PIK3CD: variants seen among roughly 807,000 people sequenced by gnomAD.
PIK3CD encodes phosphatidylinositol-4,5-bisphosphate 3-kinase catalytic subunit delta.
Under a neutral mutation model 122.9 loss-of-function variants are expected in PIK3CD, and 20 were observed. The ratio of observed to expected loss-of-function variants is 0.16; its 90% confidence interval spans 0.11 to 0.24. The LOEUF (loss-of-function observed/expected upper bound fraction) is 0.24. PIK3CD is among the 10% of genes least tolerant of loss of function. PIK3CD has a pLI of 1.00. For missense variants in PIK3CD, 787 were observed against 1,406.3 expected (o/e 0.56, Z 7.04); for synonymous variants, 596 against 593.4 (o/e 1.00, Z -0.06).
At chr1:9,684,041 G>GA (rs991114731) in intron 1 of PIK3CD, among the ~76,000 whole-genome samples, 1 of 152,098 alleles carries the variant, frequency 6.6e-6, no homozygotes, top group Non-Finnish European at 1.5e-5. Flanking sequence ...AGAATTCCAA[G>GA]AGCCAGCATT....
rs541504948 is a variant in PIK3CD at position 9,704,927 on chromosome 1, G to A, written c.-32-5497G>A. ...GAGGAAGTGGCGACCAGCAGTGGCAGTGCCTAGAGATGTGCAGCTCTCGCT... is the reference window on the plus strand; with the variant it reads ...GAGGAAGTGGCGACCAGCAGTGGCAATGCCTAGAGATGTGCAGCTCTCGCT... On this transcript the variant is annotated intron_variant, in intron 2 of 23. Coordinates refer to ENST00000377346, the MANE Select transcript of PIK3CD (RefSeq NM_005026.5). This position sits in a 1 kb window ranked among gnomAD's most constrained non-coding sequence, Gnocchi z 5.0. Among the ~76,000 whole-genome samples the A allele has an allele frequency of 6.6e-5, 10 of 152,364 alleles. No homozygotes were observed. In the East Asian group the frequency reaches 1.7e-3, roughly 26 times the overall value.
chr1:9,719,828 G>T lies in PIK3CD; in HGVS notation c.1243-93G>T. On this transcript the variant is annotated intron_variant, in intron 9 of 23. Transcript: ENST00000377346. The surrounding 1 kb of genome is among the most constrained non-coding windows in gnomAD (Gnocchi z 5.5). ...GGTTGGGAGATGTTAGCTGGGCTCT[G>T]GGTCTTCTCGGGTGGGGTGCCTGGG... The T allele has an allele frequency of 1.0e-6, 1 of 992,654 alleles. No individual in the cohort carries two copies. The highest frequency in any genetic ancestry group is 1.6e-6 in the Non-Finnish European group (1 of 614,236). The allele number at this position is 992,654 out of a possible 1,614,324, so 61.5% of individuals were successfully genotyped here.
chr1:9,727,247 T>C lies in PIK3CD; in HGVS notation c.*201T>C. The C allele has an allele frequency of 1.5e-6, 1 of 646,992 alleles. No homozygotes were observed. Among genetic ancestry groups the C allele is most frequent in the East Asian group, 2.8e-5 (1 of 35,670 alleles). The allele number at this position is 646,992 out of a possible 1,614,324, so 40.1% of individuals were successfully genotyped here. On this transcript the variant is annotated 3_prime_UTR_variant, in exon 24 of 24. Transcript: ENST00000377346. ...ACAGCCATAAACGGAAACGCCTCCT[T>C]CATGCAGCGGCGGTGCTGGGCCCCC...
intron 23 of PIK3CD, among the ~76,000 whole-genome samples, 188 bp from the exon 24 acceptor site, chr1:9,726,721 G>A (rs1451542685): frequency 1.3e-5 from 2 of 152,060 alleles, no homozygotes; most frequent in Admixed American, 1.3e-4. Context: ...GGAACTGGGG[G>A]CTCTGGGGCC....
At chr1:9,661,909 T>C (rs1159802002) in intron 1 of PIK3CD, among the ~76,000 whole-genome samples, 1 of 151,656 alleles carries the variant, frequency 6.6e-6, no homozygotes, top group African/African-American at 2.4e-5. Flanking sequence ...GGCAGGACAA[T>C]GGTGTGGACC....
chr1:9,666,441 C>T (rs1645163159), intron 1 of PIK3CD, among the ~76,000 whole-genome samples: 1 of 151,594 alleles, frequency 6.6e-6, no homozygotes, highest in African/African-American at 2.4e-5. Context: ...CTATGTTGGC[C>T]AGGCTGGTCT....
chr1:9,628,931 T>G, the PIK3CD span, among the ~76,000 whole-genome samples: 3 of 150,128 alleles, frequency 2.0e-5, no homozygotes, highest in Non-Finnish European at 4.4e-5. Flanking sequence ...GGGAACTCCA[T>G]GGGAAGGTCC....
chr1:9,709,871 T>C (rs1414523862), intron 2 of PIK3CD, among the ~76,000 whole-genome samples: 1 of 152,092 alleles, frequency 6.6e-6, no homozygotes, highest in Non-Finnish European at 1.5e-5. Context: ...CCAGATGTGG[T>C]AACGCATGCC....
chr1:9,641,393 G>T, the PIK3CD span, among the ~76,000 whole-genome samples: 2 of 152,140 alleles, frequency 1.3e-5, no homozygotes, highest in Non-Finnish European at 2.9e-5. Context: ...CCCTCCCCCA[G>T]CCCTGGGTCA....
intron 1 of PIK3CD, chr1:9,654,260 T>C: frequency 7.3e-7 from 1 of 1,367,760 alleles, no homozygotes; most frequent in Non-Finnish European, 9.8e-7. Context: ...AGATGTCCCC[T>C]TCTGGCAGGA....
the PIK3CD span, among the ~76,000 whole-genome samples, chr1:9,646,712 G>C: frequency 6.6e-6 from 1 of 152,188 alleles, no homozygotes; most frequent in Non-Finnish European, 1.5e-5. Flanking sequence ...CAGCACTTTG[G>C]GAGGCCGAGG....
chr1:9,632,174 A>G, the PIK3CD span, among the ~76,000 whole-genome samples: 4 of 151,866 alleles, frequency 2.6e-5, no homozygotes, highest in African/African-American at 9.7e-5. Flanking sequence ...CACCACGCCC[A>G]GCTAATTTTG....
intron 2 of PIK3CD, 103 bp downstream of exon 2, chr1:9,691,674 G>A (rs1053922996): frequency 3.0e-5 from 12 of 394,706 alleles, no homozygotes; most frequent in Non-Finnish European, 5.4e-5. Context: ...CGACTCTCCA[G>A]CCAAAGGAAG....
At chr1:9,686,495 C>T (rs978672459) in intron 1 of PIK3CD, among the ~76,000 whole-genome samples, 2 of 152,016 alleles carry the variant, frequency 1.3e-5, no homozygotes, top group South Asian at 4.1e-4. Flanking sequence ...AGCCACCGTG[C>T]CCGCCTTAAT....
upstream of PIK3CD, among the ~76,000 whole-genome samples, chr1:9,650,713 G>A (rs545840526): frequency 6.6e-6 from 1 of 152,314 alleles, no homozygotes; most frequent in South Asian, 2.1e-4. Flanking sequence ...CACAAGTTAA[G>A]GGAGAGTGAG....
chr1:9,714,863 C>T (rs147223664), intron 3 of PIK3CD, among the ~76,000 whole-genome samples: 10 of 152,218 alleles, frequency 6.6e-5, no homozygotes, highest in African/African-American at 2.2e-4. Context: ...TTTCTGAGTT[C>T]GTTGCCAACA....
chr1:9,719,981 G>A lies in PIK3CD; in HGVS notation c.1303G>A (p.Gly435Arg). ...TGACTACAAGGACCAGCTTAAGACC[G>A]GGGAACGCTGCCTCTACATGTGGCC... ...LFDYKDQLKTGERCLYMWPSV... is the reference protein window; with the variant it reads ...LFDYKDQLKTRERCLYMWPSV... Residue 435 changes from glycine (G) to arginine (R), a missense_variant, in exon 10 of 24, where the codon GGG becomes AGG. Transcript: ENST00000377346. The surrounding 1 kb of genome is among the most constrained non-coding windows in gnomAD (Gnocchi z 5.5). The A allele has an allele frequency of 1.2e-6, 2 of 1,613,718 alleles. No individual in the cohort carries two copies. Among genetic ancestry groups the A allele is most frequent in the Non-Finnish European group, 1.7e-6 (2 of 1,180,006 alleles).
At chr1:9,690,068 G>C (rs1488782596) in intron 1 of PIK3CD, among the ~76,000 whole-genome samples, 1 of 152,194 alleles carries the variant, frequency 6.6e-6, no homozygotes, top group Non-Finnish European at 1.5e-5. Flanking sequence ...CGCCTGTTCG[G>C]GGCAGGCTGT....
chr1:9,627,289 G>A, the PIK3CD span, among the ~76,000 whole-genome samples: 1 of 152,270 alleles, frequency 6.6e-6, no homozygotes, highest in African/African-American at 2.4e-5. Flanking sequence ...CTAAGGCTCC[G>A]GGCACCCGGG....
Sources: allele counts gnomAD v4.1 joint callset (sites outside exome capture counted in the v4.1 genomes callset), GRCh38; gene constraint gnomAD v4.1.1; non-coding constraint Gnocchi (gnomAD v3.1); transcripts MANE v1.5; gene names NCBI Gene and HGNC (gene_info 2026-07-23, HGNC 2026-07-21).